SYT9: variants seen among roughly 807,000 people sequenced by gnomAD.
The protein encoded by SYT9 is synaptotagmin 9.
SYT9 carries 22 observed loss-of-function variants against 48.4 expected under a neutral mutation model. The observed-to-expected ratio is 0.45, with a 90% CI of 0.32 to 0.65. The LOEUF is 0.65. SYT9 is among the 30% of genes least tolerant of loss of function. The probability of loss-of-function intolerance (pLI) is 0.03; values close to 1 mark genes in which losing one functional copy is unlikely to be tolerated. For synonymous variants in SYT9, 265 were observed against 245.0 expected (o/e 1.08, Z -0.76); for missense variants, 577 against 622.0 (o/e 0.93, Z 0.77).
At chr11:7,275,029 A>C (rs1407647462) in intron 1 of SYT9, among the ~76,000 whole-genome samples, 1 of 151,764 alleles carries the variant, frequency 6.6e-6, no homozygotes, top group Non-Finnish European at 1.5e-5. Context: ...TAGTATCTCC[A>C]TCCTGGCCTT....
chr11:7,250,837 A>G (rs774829166), upstream of SYT9, among the ~76,000 whole-genome samples: 1 of 152,150 alleles, frequency 6.6e-6, no homozygotes, highest in Non-Finnish European at 1.5e-5. Context: ...CCAGTTCTAG[A>G]GATCCTACTC....
intron 3 of SYT9, among the ~76,000 whole-genome samples, chr11:7,402,707 T>C (rs1846917914): frequency 6.6e-6 from 1 of 152,160 alleles, no homozygotes; most frequent in Non-Finnish European, 1.5e-5. Context: ...TAAAAATCTT[T>C]TTTTGTGTTG....
rs1206173042 is a variant in SYT9 at position 7,291,520 on chromosome 11, C to T, written c.146-11519C>T. ...GATACTCACACACAAAATACATTGG[C>T]CCATTGCTCCCAACAGCTCACCAGG... On this transcript the variant is annotated intron_variant, in intron 1 of 6. Coordinates refer to ENST00000318881, the MANE Select transcript of SYT9 (RefSeq NM_175733.4). Among the ~76,000 whole-genome samples the T allele has an allele frequency of 2.6e-5, 4 of 152,112 alleles. No individual in the cohort carries two copies. The East Asian group carries it at 7.7e-4, about 29-fold the overall frequency.
intron 2 of SYT9, among the ~76,000 whole-genome samples, 189 bp from the exon 3 acceptor site, chr11:7,313,206 T>C (rs1014045535): frequency 6.6e-6 from 1 of 152,128 alleles, no homozygotes; most frequent in African/African-American, 2.4e-5. Context: ...GTTGTGAGCT[T>C]CAAGCCTTAC....
At chr11:7,456,251 G>A (rs565080024) in intron 6 of SYT9, among the ~76,000 whole-genome samples, 2 of 152,306 alleles carry the variant, frequency 1.3e-5, no homozygotes, top group Non-Finnish European at 2.9e-5. Context: ...ACTAAACATG[G>A]CAATTGAGCT....
intron 3 of SYT9, among the ~76,000 whole-genome samples, chr11:7,412,499 A>G (rs1847156344): frequency 6.6e-6 from 1 of 152,130 alleles, no homozygotes; most frequent in Non-Finnish European, 1.5e-5. Flanking sequence ...GGGTGTGGTT[A>G]TTAGTGGAGG....
At chr11:7,362,372 T>A (rs1850156036) in intron 3 of SYT9, among the ~76,000 whole-genome samples, 1 of 152,118 alleles carries the variant, frequency 6.6e-6, no homozygotes, top group Non-Finnish European at 1.5e-5. Flanking sequence ...TGGCCTCAAG[T>A]GATCCTTCTG....
In SYT9 at chr11:7,313,800, G is replaced by T. The variant is rs768619311; in HGVS notation, c.903G>T (p.Arg301=). ...TTCCCTACAATGACCTTGAAGCACG[G>T]AAGCTTCACTTCTCTGTGTACGACT... ...FPVPYNDLEA[R]KLHFSVYDFD... is the part of the protein sequence containing the mutation. Residue 301 remains arginine, a synonymous_variant, in exon 3 of 7, where the codon CGG becomes CGT. Transcript: ENST00000318881. 6.2e-7 allele frequency: 1 copy of T among 1,614,162 alleles called. No homozygotes were observed. Among genetic ancestry groups the T allele is most frequent in the Admixed American group, 1.7e-5 (1 of 60,018 alleles).
intron 6 of SYT9, among the ~76,000 whole-genome samples, chr11:7,459,417 A>AG (rs1848204037): frequency 6.6e-6 from 1 of 152,238 alleles, no homozygotes; most frequent in South Asian, 2.1e-4. Flanking sequence ...CGATAGACTG[A>AG]GAAGGAGCAA....
chr11:7,308,181 T>G (rs1849066753), intron 2 of SYT9, among the ~76,000 whole-genome samples: 2 of 152,214 alleles, frequency 1.3e-5, no homozygotes, highest in African/African-American at 4.8e-5. Flanking sequence ...CTCCACCATT[T>G]CCATAATTCC....
intron 1 of SYT9, among the ~76,000 whole-genome samples, chr11:7,275,458 A>G (rs1391348910): frequency 2.0e-5 from 3 of 152,094 alleles, no homozygotes; most frequent in African/African-American, 4.8e-5. Context: ...TGTTCTCTTG[A>G]ATTTGCAACA....
At chr11:7,334,634 C>CTCGCTGCCACCCATCGCCCCAA (rs760477407) in intron 3 of SYT9, among the ~76,000 whole-genome samples, 1 of 139,936 alleles carries the variant, frequency 7.1e-6, no homozygotes, top group Admixed American at 7.3e-5. Flanking sequence ...CCTGCCTCCA[C>CTCGCTGCCACCCATCGCCCCAA]TCCCTGCCAC....
intron 3 of SYT9, among the ~76,000 whole-genome samples, chr11:7,368,826 C>T (rs931619767): frequency 2.6e-5 from 4 of 151,884 alleles, no homozygotes; most frequent in Non-Finnish European, 4.4e-5. Flanking sequence ...AATGAACATA[C>T]GTGTGCATGT....
At chr11:7,318,305 G>A (rs1042820391) in intron 3 of SYT9, among the ~76,000 whole-genome samples, 2 of 149,840 alleles carry the variant, frequency 1.3e-5, no homozygotes, top group Non-Finnish European at 3.0e-5. Context: ...TGGCAGTCTT[G>A]TAGAACTCAT....
intron 6 of SYT9, among the ~76,000 whole-genome samples, chr11:7,423,508 C>T (rs960530781): frequency 2.0e-5 from 3 of 152,116 alleles, no homozygotes; most frequent in African/African-American, 7.2e-5. Context: ...TGTAAAGTGG[C>T]CATAACAGTG....
chr11:7,361,649 A>T (rs1850139044), intron 3 of SYT9, among the ~76,000 whole-genome samples: 1 of 152,096 alleles, frequency 6.6e-6, no homozygotes, highest in African/African-American at 2.4e-5. Flanking sequence ...ATGATTGTGA[A>T]TTTGTTGATT....
intron 3 of SYT9, among the ~76,000 whole-genome samples, chr11:7,316,066 G>T (rs1451050252): frequency 4.2e-5 from 2 of 47,476 alleles, no homozygotes; most frequent in Non-Finnish European, 8.8e-5. Flanking sequence ...TGGGGTTGTG[G>T]GGTTTTTTTT....
chr11:7,465,394 T>C (rs927465011), intron 6 of SYT9, among the ~76,000 whole-genome samples: 5 of 152,252 alleles, frequency 3.3e-5, no homozygotes, highest in African/African-American at 1.2e-4. Context: ...TAAATTTCAT[T>C]GTCAGAATGG....
At chr11:7,276,377 A>G (rs77664280) in intron 1 of SYT9, among the ~76,000 whole-genome samples, 1,768 of 152,258 alleles carry the variant, frequency 0.012, 32 homozygotes, top group African/African-American at 0.041. Context: ...TCCAGCCTCA[A>G]TGGAAGCCAG....
Sources: gnomAD v4.1 joint callset for allele counts (sites outside exome capture counted in the v4.1 genomes callset) on GRCh38, gnomAD v4.1.1 for gene constraint, MANE v1.5 for transcripts, NCBI Gene and HGNC (gene_info 2026-07-23, HGNC 2026-07-21) for gene names.